The following EXOC6B variants were observed in gnomAD, a reference collection of about 807,000 sequenced individuals.
EXOC6B encodes SEC15 homolog B.
A neutral mutation model predicts 113.5 loss-of-function variants in EXOC6B; 54 were observed. The ratio of observed to expected loss-of-function variants is 0.48; its 90% confidence interval spans 0.38 to 0.60. EXOC6B has a LOEUF of 0.60. Among genes scored for constraint, EXOC6B ranks in the 20% least tolerant of loss-of-function variants. EXOC6B has a pLI of 0.00. For synonymous variants in EXOC6B, 357 were observed against 339.0 expected (o/e 1.05, Z -0.58); for missense variants, 797 against 977.5 (o/e 0.82, Z 2.46).
intron 20 of EXOC6B, among the ~76,000 whole-genome samples, chr2:72,186,658 C>CTT (rs1678453148): frequency 6.6e-6 from 1 of 152,106 alleles, no homozygotes; most frequent in Non-Finnish European, 1.5e-5. Context: ...TTAGATATTA[C>CTT]TTTTTCAGCA....
At chr2:72,436,064 C>T (rs1695847676) in intron 18 of EXOC6B, among the ~76,000 whole-genome samples, 3 of 152,162 alleles carry the variant, frequency 2.0e-5, no homozygotes, top group African/African-American at 7.2e-5. Flanking sequence ...TTTAGAGCTT[C>T]CTTCAGGAGC....
chr2:72,773,594 T>C (rs1229718347), intron 1 of EXOC6B, among the ~76,000 whole-genome samples: 3 of 151,748 alleles, frequency 2.0e-5, no homozygotes, highest in African/African-American at 4.8e-5. Flanking sequence ...CTCAAGAAAG[T>C]CGGAAAAAAA....
At chr2:72,422,208 G>C (rs943234787) in intron 18 of EXOC6B, among the ~76,000 whole-genome samples, 3 of 152,230 alleles carry the variant, frequency 2.0e-5, no homozygotes, top group African/African-American at 7.2e-5. Flanking sequence ...GCTGAGGAAT[G>C]CAAGCACCCG....
chr2:72,367,911 C>T (rs1690736718), intron 19 of EXOC6B, among the ~76,000 whole-genome samples: 1 of 152,154 alleles, frequency 6.6e-6, no homozygotes, highest in East Asian at 1.9e-4. Context: ...CTCAGCAAGC[C>T]TCATTGCCAC....
chr2:72,462,371 C>G (rs562695106), intron 18 of EXOC6B: 17 of 152,052 alleles, frequency 1.1e-4, no homozygotes, highest in African/African-American at 3.9e-4. Flanking sequence ...TAATAATAAC[C>G]TATGAATAAT....
At chr2:72,190,244 C>G (rs946479326) in intron 20 of EXOC6B, among the ~76,000 whole-genome samples, 2 of 152,070 alleles carry the variant, frequency 1.3e-5, no homozygotes, top group African/African-American at 2.4e-5. Flanking sequence ...TGCTATGTTG[C>G]CCAGGCTGGT....
At chr2:72,400,198 G>A (rs1453114364) in intron 18 of EXOC6B, among the ~76,000 whole-genome samples, 2 of 151,982 alleles carry the variant, frequency 1.3e-5, no homozygotes, top group African/African-American at 2.4e-5. Context: ...CCCCTATTCA[G>A]TAAACAGTTT....
chr2:72,547,297 T>A (rs1178424563), intron 8 of EXOC6B, among the ~76,000 whole-genome samples: 3 of 152,214 alleles, frequency 2.0e-5, no homozygotes, highest in African/African-American at 4.8e-5. Context: ...ACTGGGGGAT[T>A]GCTAAAAATG....
At chr2:72,421,880 G>T (rs1694892259) in intron 18 of EXOC6B, among the ~76,000 whole-genome samples, 1 of 152,236 alleles carries the variant, frequency 6.6e-6, no homozygotes, top group Admixed American at 6.5e-5. Flanking sequence ...GGGCCAGCTG[G>T]AGTTCCGGGT....
Position 72,559,380 on chromosome 2 carries a change from T to A in EXOC6B, c.915+73A>T, listed in dbSNP as rs887453903. Reference sequence around the variant, plus strand: ...CACTCTTAATAATAAACAGAAAAACTACCAAAAGTTGAGAGAGCAAAGTTT... The same window carrying A: ...CACTCTTAATAATAAACAGAAAAACAACCAAAAGTTGAGAGAGCAAAGTTT... On this transcript the variant is annotated intron_variant, in intron 8 of 21. Coordinates refer to ENST00000272427, the MANE Select transcript of EXOC6B (RefSeq NM_015189.3). 1.2e-4 allele frequency: 128 copies of A among 1,062,058 alleles called. No homozygotes were observed. The Admixed American group carries it at 3.9e-3, about 32-fold the overall frequency. The allele number at this position is 1,062,058 out of a possible 1,614,324, so 65.8% of individuals were successfully genotyped here. A position where few individuals can be genotyped will look rare whatever the true frequency, so the allele number is the denominator to read the frequency against.
chr2:72,618,176 C>CTTTCACCA (rs1671519615), intron 6 of EXOC6B, among the ~76,000 whole-genome samples: 1 of 152,098 alleles, frequency 6.6e-6, no homozygotes, highest in Non-Finnish European at 1.5e-5. Flanking sequence ...CAAGACCAGT[C>CTTTCACCA]TGGCCAACAT....
At chr2:72,413,116 G>T (rs1694289566) in intron 18 of EXOC6B, among the ~76,000 whole-genome samples, 1 of 151,782 alleles carries the variant, frequency 6.6e-6, no homozygotes, top group Non-Finnish European at 1.5e-5. Flanking sequence ...CCGCCACCAC[G>T]CCCGGCGAAG....
At chr2:72,699,323 C>T (rs970612527) in intron 6 of EXOC6B, among the ~76,000 whole-genome samples, 25 of 151,918 alleles carry the variant, frequency 1.6e-4, no homozygotes, top group Non-Finnish European at 2.9e-4. Flanking sequence ...ACTAAAAATA[C>T]GAAAAATTAG....
intron 20 of EXOC6B, among the ~76,000 whole-genome samples, chr2:72,200,190 C>A (rs1042239371): frequency 6.6e-6 from 1 of 152,158 alleles, no homozygotes; most frequent in Non-Finnish European, 1.5e-5. Context: ...AGCCACTGCA[C>A]CCGGCTTGAG....
chr2:72,755,907 G>C (rs981568384), intron 1 of EXOC6B, among the ~76,000 whole-genome samples: 2 of 152,100 alleles, frequency 1.3e-5, no homozygotes, highest in African/African-American at 4.8e-5. Context: ...TGAGCAGCCT[G>C]GAGCCATTTT....
chr2:72,582,235 C>T (rs1030945688), intron 6 of EXOC6B, among the ~76,000 whole-genome samples: 2 of 152,092 alleles, frequency 1.3e-5, no homozygotes, highest in Non-Finnish European at 2.9e-5. Context: ...AGGCCAGGAG[C>T]AGTGGCTTAT....
intron 20 of EXOC6B, among the ~76,000 whole-genome samples, chr2:72,300,865 T>C (rs374619083): frequency 1.4e-4 from 22 of 152,108 alleles, no homozygotes; most frequent in African/African-American, 5.3e-4. Context: ...GCATCCCCTG[T>C]CCAACCAGTC....
chr2:72,305,488 A>G (rs1317957343), intron 20 of EXOC6B, among the ~76,000 whole-genome samples: 2 of 152,122 alleles, frequency 1.3e-5, no homozygotes, highest in African/African-American at 4.8e-5. Flanking sequence ...GGTAATAGGT[A>G]CCTGTGAATA....
At chr2:72,562,508 T>C (rs1312383473) in intron 7 of EXOC6B, among the ~76,000 whole-genome samples, 3 of 151,986 alleles carry the variant, frequency 2.0e-5, no homozygotes, top group African/African-American at 7.2e-5. Flanking sequence ...GAGGGAGGGG[T>C]CCAAGGACAC....
Sources: gnomAD v4.1 joint callset for allele counts (sites outside exome capture counted in the v4.1 genomes callset) on GRCh38, gnomAD v4.1.1 for gene constraint, MANE v1.5 for transcripts, NCBI Gene and HGNC (gene_info 2026-07-23, HGNC 2026-07-21) for gene names.